The following ADCY5 variants were observed in gnomAD, a reference collection of about 807,000 sequenced individuals.
ADCY5 encodes adenylate cyclase 5, also known as adenylate cyclase type 5.
In ADCY5, 30 loss-of-function variants were observed where a neutral mutation model predicts 119.7. That is an observed-to-expected ratio of 0.25 (90% CI 0.19 to 0.34). ADCY5 has a LOEUF of 0.34. ADCY5 is among the 10% of genes least tolerant of loss of function. ADCY5 has a pLI of 1.00. For synonymous variants in ADCY5, 753 were observed against 762.2 expected, an observed-to-expected ratio of 0.99 and a Z score of 0.20; for missense variants, 1,324 against 1,775.2, an observed-to-expected ratio of 0.75 and a Z score of 4.57.
chr3:123,406,220 A>C (rs1346444114), intron 1 of ADCY5, among the ~76,000 whole-genome samples: 2 of 152,304 alleles, frequency 1.3e-5, no homozygotes, highest in East Asian at 3.9e-4. Context: ...TAGTTATTCA[A>C]ACTGCCAATC....
At chr3:123,327,880 G>C (rs767685045) in intron 6 of ADCY5, 121 bp from the exon 7 acceptor site, 21 of 1,204,330 alleles carry the variant, frequency 1.7e-5, no homozygotes, top group Non-Finnish European at 2.3e-5. Context: ...AGGGCCCCAA[G>C]CTCTGCTCAA....
At chr3:123,428,609 C>G (rs1456657187) in intron 1 of ADCY5, among the ~76,000 whole-genome samples, 7 of 152,204 alleles carry the variant, frequency 4.6e-5, no homozygotes, top group Non-Finnish European at 8.8e-5. Context: ...GTGCAGTGAA[C>G]ATAGAAACTT....
At chr3:123,307,912 TA>T (rs949485445) in intron 12 of ADCY5, among the ~76,000 whole-genome samples, 30 of 149,590 alleles carry the variant, frequency 2.0e-4, no homozygotes, top group Admixed American at 4.7e-4. Context: ...ACTGCAGGCT[TA>T]AAAAAAAATC....
intron 1 of ADCY5, chr3:123,418,854 C>T (rs1368733913): frequency 1.3e-5 from 2 of 152,230 alleles, no homozygotes; most frequent in Non-Finnish European, 2.9e-5. Context: ...GGAGAATTCA[C>T]TCTCTTCTTG....
intron 1 of ADCY5, among the ~76,000 whole-genome samples, chr3:123,417,447 C>A (rs539960709): frequency 1.3e-5 from 2 of 152,260 alleles, no homozygotes; most frequent in Admixed American, 6.5e-5. Flanking sequence ...GAGAACATTA[C>A]CTTAAGCCCT....
intron 1 of ADCY5, among the ~76,000 whole-genome samples, chr3:123,372,669 C>A (rs1943679995): frequency 6.6e-6 from 1 of 152,204 alleles, no homozygotes; most frequent in Admixed American, 6.5e-5. Flanking sequence ...CCCACACCAG[C>A]AACAAGGGCA....
intron 1 of ADCY5, among the ~76,000 whole-genome samples, chr3:123,369,765 A>G (rs887678497): frequency 1.3e-5 from 2 of 152,160 alleles, no homozygotes; most frequent in Non-Finnish European, 2.9e-5. Flanking sequence ...TCTGGGTCCT[A>G]TGAGGTTTCT....
intron 12 of ADCY5, among the ~76,000 whole-genome samples, chr3:123,308,664 C>G (rs989586798): frequency 6.6e-6 from 1 of 152,012 alleles, no homozygotes; most frequent in African/African-American, 2.4e-5. Context: ...CATGTCTCTA[C>G]TAAAAATACA....
chr3:123,312,321 TG>T (rs1285035991), intron 12 of ADCY5, among the ~76,000 whole-genome samples: 1 of 152,270 alleles, frequency 6.6e-6, no homozygotes, highest in African/African-American at 2.4e-5. Context: ...ATGTTCTCTT[TG>T]GGGTTCAGCA....
intron 17 of ADCY5, among the ~76,000 whole-genome samples, chr3:123,292,125 C>T (rs1029790100): frequency 6.6e-6 from 1 of 152,258 alleles, no homozygotes; most frequent in Non-Finnish European, 1.5e-5. Flanking sequence ...AGGTGTCACA[C>T]ACCGAGGTGT....
intron 1 of ADCY5, among the ~76,000 whole-genome samples, chr3:123,431,630 T>C (rs762210665): frequency 7.2e-5 from 11 of 152,186 alleles, no homozygotes; most frequent in Non-Finnish European, 1.3e-4. Context: ...GCAGTTATTA[T>C]AGCACTGCAC....
At chr3:123,325,953 C>G (rs1197506675) in intron 7 of ADCY5, among the ~76,000 whole-genome samples, 3 of 152,218 alleles carry the variant, frequency 2.0e-5, no homozygotes, top group Admixed American at 2.0e-4. Flanking sequence ...CATACCTAAG[C>G]CTCCCAACTT....
At chr3:123,428,226 A>G (rs1945451748) in intron 1 of ADCY5, among the ~76,000 whole-genome samples, 1 of 152,198 alleles carries the variant, frequency 6.6e-6, no homozygotes, top group African/African-American at 2.4e-5. Context: ...TATGGCACAC[A>G]CAGGCAGGAC....
intron 8 of ADCY5, among the ~76,000 whole-genome samples, chr3:123,322,854 C>T (rs1194290064): frequency 1.3e-5 from 2 of 152,182 alleles, no homozygotes; most frequent in African/African-American, 2.4e-5. Context: ...CTGCTGACTC[C>T]GACTTCAAAC....
rs144644853 is a variant in ADCY5, at chr3:123,283,311, G to C, written c.*1297C>G. ...TCTGGAATCTGTGGGCGCTGCCTCT[G>C]TAAGCCGCAAACGTCTGAAATCTCA... On this transcript the variant is annotated 3_prime_UTR_variant, in exon 21 of 21. Transcript: ENST00000462833. The C allele has an allele frequency of 6.6e-6, 1 of 152,372 alleles. No homozygotes were observed. The highest frequency in any genetic ancestry group is 1.9e-4 in the East Asian group (1 of 5,198). The allele number at this position is 152,372 out of a possible 1,614,324, so 9.4% of individuals were successfully genotyped here.
intron 1 of ADCY5, among the ~76,000 whole-genome samples, chr3:123,400,312 C>T (rs1295068726): frequency 6.6e-6 from 1 of 152,178 alleles, no homozygotes; most frequent in Non-Finnish European, 1.5e-5. Flanking sequence ...AGACCAGCAC[C>T]GCTTGCCCTT....
intron 1 of ADCY5, among the ~76,000 whole-genome samples, chr3:123,440,469 TTTCTCTTGTGACCA>T (rs1282445949): frequency 2.0e-5 from 3 of 147,318 alleles, no homozygotes; most frequent in Non-Finnish European, 4.4e-5. Flanking sequence ...CCACCCCCCC[TTTCTCTTGTGACCA>T]TATCTCATTG....
chr3:123,345,769 G>GATACACACAC (rs1942512327), intron 3 of ADCY5, among the ~76,000 whole-genome samples: 1 of 113,762 alleles, frequency 8.8e-6, no homozygotes, highest in Non-Finnish European at 1.7e-5. Flanking sequence ...CAGACAGACA[G>GATACACACAC]ACACACACAC....
chr3:123,448,099 C>T lies in ADCY5; in HGVS notation c.447G>A (p.Thr149=). 10 of 1,159,326 alleles carry T rather than the reference C, an allele frequency of 8.6e-6. No individual in the cohort carries two copies. The highest frequency in any genetic ancestry group is 1.6e-5 in the African/African-American group (1 of 60,892). The allele number at this position is 1,159,326 out of a possible 1,614,324, so 71.8% of individuals were successfully genotyped here. ...SAAAAASAGG[T]EVRPRSVEVG... is the part of the protein sequence containing the mutation. The stretch of plus-strand genomic sequence containing the variant: ...CCTCCACCGAGCGAGGGCGCACCTC[C>T]GTCCCGCCCGCCGAGGCAGCCGCCG... The change falls in exon 1 of 21, where the codon ACG becomes ACA. Residue 149 remains threonine (T), a synonymous_variant. Transcript: ENST00000462833.
Sources: allele counts gnomAD v4.1 joint callset (sites outside exome capture counted in the v4.1 genomes callset), GRCh38; gene constraint gnomAD v4.1.1; transcripts MANE v1.5; gene names NCBI Gene and HGNC (gene_info 2026-07-23, HGNC 2026-07-21).